KAZN: variants seen among roughly 807,000 people sequenced by gnomAD.
KAZN encodes kazrin.
Under a neutral mutation model 87.4 loss-of-function variants are expected in KAZN, and 40 were observed. The ratio of observed to expected loss-of-function variants is 0.46; its 90% CI spans 0.36 to 0.60. KAZN has a LOEUF of 0.60. Among genes scored for constraint, KAZN ranks in the 20% least tolerant of loss-of-function variants. KAZN has a pLI of 0.00. For synonymous variants in KAZN, 466 were observed against 458.3 expected, an observed-to-expected ratio of 1.02 and a Z score of -0.22; for missense variants, 898 against 1,073.9, an observed-to-expected ratio of 0.84 and a Z score of 2.29.
intron 2 of KAZN, among the ~76,000 whole-genome samples, chr1:14,446,022 C>G (rs897285776): frequency 7.3e-6 from 1 of 136,940 alleles, no homozygotes; most frequent in African/African-American, 2.7e-5. Context: ...AAGACCCCAT[C>G]TCTACAAAAA....
intron 1 of KAZN, among the ~76,000 whole-genome samples, chr1:14,647,730 C>A (rs1680913685): frequency 6.6e-6 from 1 of 152,204 alleles, no homozygotes; most frequent in African/African-American, 2.4e-5. Flanking sequence ...TTGACCCCTT[C>A]TACTTTGTAA....
intron 2 of KAZN, among the ~76,000 whole-genome samples, chr1:14,253,227 G>A (rs1262553555): frequency 2.6e-5 from 4 of 151,906 alleles, no homozygotes; most frequent in Non-Finnish European, 4.4e-5. Flanking sequence ...GAAGCACTAA[G>A]CTTTTCTGCC....
intron 1 of KAZN, among the ~76,000 whole-genome samples, chr1:14,015,459 C>CTTTTTTTTTTT (rs70987713): frequency 1.2e-4 from 3 of 25,066 alleles, no homozygotes; most frequent in African/African-American, 3.2e-4. Flanking sequence ...GTTACATCTA[C>CTTTTTTTTTTT]TTTTTTTTTT....
At chr1:14,328,749 A>G (rs968643501) in intron 2 of KAZN, among the ~76,000 whole-genome samples, 79 of 3,384 alleles carry the variant, frequency 0.023, no homozygotes, top group African/African-American at 0.063. Flanking sequence ...TCCCTAACTG[A>G]AAAAAAAAAA....
chr1:14,905,792 G>A (rs2807558), intron 1 of KAZN, among the ~76,000 whole-genome samples: 147,597 of 151,086 alleles, frequency 0.98, 72,147 homozygotes, highest in Non-Finnish European at 1. Flanking sequence ...GCAGTGAGCC[G>A]AGATGGCACC....
intron 2 of KAZN, among the ~76,000 whole-genome samples, chr1:14,417,945 G>A (rs1399661045): frequency 8.1e-6 from 1 of 124,028 alleles, no homozygotes; most frequent in East Asian, 2.7e-4. Flanking sequence ...GCAGTGAGCA[G>A]AAATCACACC....
intron 1 of KAZN, among the ~76,000 whole-genome samples, chr1:14,883,235 C>T (rs1007689237): frequency 1.3e-5 from 2 of 149,506 alleles, no homozygotes; most frequent in African/African-American, 2.5e-5. Flanking sequence ...GCGGAGGTTG[C>T]GGTGAGCCAA....
intron 2 of KAZN, among the ~76,000 whole-genome samples, chr1:14,425,179 A>G (rs1301903612): frequency 1.3e-5 from 2 of 152,166 alleles, no homozygotes; most frequent in Non-Finnish European, 1.5e-5. Flanking sequence ...GGGCTGGCCA[A>G]GGCAGGCCCA....
intron 1 of KAZN, among the ~76,000 whole-genome samples, chr1:14,600,283 A>G (rs1253746080): frequency 1.3e-5 from 2 of 152,204 alleles, no homozygotes; most frequent in African/African-American, 2.4e-5. Flanking sequence ...TCAGTGGCTC[A>G]AAATGATTTT....
chr1:14,907,149 A>AGGTATGGG (rs1656680376), intron 1 of KAZN, among the ~76,000 whole-genome samples: 6 of 151,996 alleles, frequency 3.9e-5, no homozygotes, highest in Admixed American at 1.3e-4. Flanking sequence ...TAATCCCAGC[A>AGGTATGGG]CTTTGGGAGG....
chr1:14,514,834 T>G (rs1239575289), intron 2 of KAZN, among the ~76,000 whole-genome samples: 1 of 151,706 alleles, frequency 6.6e-6, no homozygotes, highest in Admixed American at 6.6e-5. Flanking sequence ...ATGCACCTGA[T>G]ACAATTGTTG....
At chr1:14,789,360 G>T (rs890840845) in intron 1 of KAZN, among the ~76,000 whole-genome samples, 1 of 152,142 alleles carries the variant, frequency 6.6e-6, no homozygotes, top group African/African-American at 2.4e-5. Context: ...CCGGTCAGCT[G>T]ATGTGCAAGA....
intron 2 of KAZN, among the ~76,000 whole-genome samples, chr1:14,509,366 C>T (rs905590103): frequency 6.6e-6 from 1 of 152,172 alleles, no homozygotes; most frequent in African/African-American, 2.4e-5. Flanking sequence ...GGATTCACAC[C>T]TAGATCTTTC....
At chr1:14,783,842 G>T (rs1181828643) in intron 1 of KAZN, among the ~76,000 whole-genome samples, 1 of 152,120 alleles carries the variant, frequency 6.6e-6, no homozygotes, top group Non-Finnish European at 1.5e-5. Context: ...AAGTAATGGG[G>T]GTGGAGGACT....
intron 2 of KAZN, among the ~76,000 whole-genome samples, chr1:14,259,147 G>T (rs569632296): frequency 6.6e-6 from 1 of 151,894 alleles, no homozygotes; most frequent in Non-Finnish European, 1.5e-5. Context: ...GTGAAAGGTG[G>T]CTCACGTGGC....
At chr1:14,553,061 C>T (rs539729752) in intron 2 of KAZN, among the ~76,000 whole-genome samples, 20 of 152,270 alleles carry the variant, frequency 1.3e-4, no homozygotes, top group Non-Finnish European at 2.9e-5. Flanking sequence ...CAGAGGCATG[C>T]CTCTGGTTTT....
At chr1:14,855,479 G>C (rs959946176) in intron 1 of KAZN, among the ~76,000 whole-genome samples, 1 of 152,120 alleles carries the variant, frequency 6.6e-6, no homozygotes, top group Non-Finnish European at 1.5e-5. Context: ...TGACTCATTT[G>C]CCACCCAGTT....
chr1:14,250,216 TAAA>T (rs1649890287), intron 2 of KAZN, among the ~76,000 whole-genome samples: 1 of 152,176 alleles, frequency 6.6e-6, no homozygotes, highest in Non-Finnish European at 1.5e-5. Flanking sequence ...AGCCAATTGT[TAAA>T]AAGCAGGAAG....
intron 2 of KAZN, among the ~76,000 whole-genome samples, chr1:14,488,460 C>CA (rs1669468954): frequency 6.6e-6 from 1 of 152,136 alleles, no homozygotes; most frequent in Non-Finnish European, 1.5e-5. Flanking sequence ...CTGGTTCTAC[C>CA]ATGTGCTGTG....
Sources: gnomAD v4.1 joint callset for allele counts (sites outside exome capture counted in the v4.1 genomes callset) on GRCh38, gnomAD v4.1.1 for gene constraint, MANE v1.5 for transcripts, NCBI Gene and HGNC (gene_info 2026-07-23, HGNC 2026-07-21) for gene names.